Variants in CATSPERB observed in about 807,000 individuals in gnomAD.
The protein encoded by CATSPERB is cation channel sperm-associated auxiliary subunit beta.
A neutral mutation model predicts 128.3 loss-of-function variants in CATSPERB; 93 were observed. That is an observed-to-expected ratio of 0.72 (90% CI 0.61 to 0.86). The LOEUF is 0.86. CATSPERB is among the 40% of genes least tolerant of loss of function. The pLI, the probability that CATSPERB is intolerant of heterozygous loss-of-function variation, is 0.00. For synonymous variants in CATSPERB, 381 were observed against 448.8 expected (o/e 0.85, Z 1.91); for missense variants, 1,153 against 1,329.5 (o/e 0.87, Z 2.06).
intron 22 of CATSPERB, chr14:91,604,422 T>C (rs1893662945): frequency 8.0e-7 from 1 of 1,249,762 alleles, no homozygotes; most frequent in African/African-American, 1.5e-5. Context: ...TCAGGTTGCA[T>C]GTTCGTGGAG....
chr14:91,705,245 T>C (rs1229351999), intron 6 of CATSPERB, among the ~76,000 whole-genome samples: 1 of 152,190 alleles, frequency 6.6e-6, no homozygotes, highest in Admixed American at 6.5e-5. Context: ...ATGGAATTGC[T>C]GGATCACAGA....
chr14:91,651,874 A>G (rs945652756), intron 15 of CATSPERB, among the ~76,000 whole-genome samples: 1 of 152,230 alleles, frequency 6.6e-6, no homozygotes, highest in Non-Finnish European at 1.5e-5. Context: ...ATTCAAGGCC[A>G]GAGTAGAGGC....
intron 17 of CATSPERB, among the ~76,000 whole-genome samples, chr14:91,627,649 T>A (rs971578483): frequency 3.9e-5 from 6 of 152,176 alleles, no homozygotes; most frequent in African/African-American, 1.4e-4. Context: ...AGAAGGTTTC[T>A]TCTGTAAATT....
intron 17 of CATSPERB, among the ~76,000 whole-genome samples, chr14:91,630,697 T>C (rs1894260094): frequency 6.6e-6 from 1 of 152,208 alleles, no homozygotes; most frequent in South Asian, 2.1e-4. Flanking sequence ...TTAATAACTT[T>C]CTAAGGGGCT....
At position 91,632,899 on chromosome 14, in the gene CATSPERB, T is replaced by C. The variant is rs567000166; in HGVS notation, c.1742+3526A>G. Among the ~76,000 whole-genome samples, 16 of 152,160 alleles carry C rather than the reference T, an allele frequency of 1.1e-4. No individual in the cohort carries two copies. In the East Asian group the frequency reaches 3.1e-3, roughly 29 times the overall value. ...CTAAAGGCAGGAGATAAAACTCCCA[T>C]GTGGAAGGTGTCCTCCTTGCACCTG... On this transcript the variant is annotated intron_variant, in intron 17 of 26. Transcript: ENST00000256343.
intron 18 of CATSPERB, among the ~76,000 whole-genome samples, chr14:91,622,563 T>C (rs980072921): frequency 9.2e-5 from 14 of 152,192 alleles, no homozygotes; most frequent in African/African-American, 3.1e-4. Context: ...AAGTAATCAT[T>C]ATCAAAATAT....
intron 16 of CATSPERB, 114 bp downstream of exon 16, chr14:91,638,982 A>G (rs1164865362): frequency 1.1e-6 from 1 of 892,352 alleles, no homozygotes. Flanking sequence ...AGCAAACTGC[A>G]TTAATGAGTT....
At position 91,625,001 on chromosome 14, in the gene CATSPERB, A is replaced by G. The variant is rs139492444; in HGVS notation, c.1749T>C (p.Thr583=). Residue 583 remains threonine, a synonymous_variant, in exon 18 of 27, where the codon ACT becomes ACC. Transcript: ENST00000256343. ...HYGKVIHSGK[T]GRAYIRKVLQ... ...ATACCTTTCTTATGTAAGCTCTTCCAGTTTTCCTAAAAACAAATAAAACCA... is the reference window on the plus strand; with the variant it reads ...ATACCTTTCTTATGTAAGCTCTTCCGGTTTTCCTAAAAACAAATAAAACCA... 5.1e-6 allele frequency: 8 copies of G among 1,570,710 alleles called. No homozygotes were observed. The African/African-American group carries it at 1.1e-4, about 22-fold the overall frequency.
chr14:91,639,046 G>A (rs768156960), intron 16 of CATSPERB, 50 bp downstream of exon 16: 9 of 1,448,918 alleles, frequency 6.2e-6, no homozygotes, highest in Non-Finnish European at 8.6e-6. Flanking sequence ...ATTGAATGTG[G>A]CATCTATTCT....
intron 15 of CATSPERB, among the ~76,000 whole-genome samples, chr14:91,640,243 T>C (rs1024254448): frequency 1.3e-5 from 2 of 151,174 alleles, no homozygotes; most frequent in Admixed American, 6.6e-5. Context: ...TCATTCTTTT[T>C]ATTTTTTTAT....
chr14:91,625,025 C>A lies in CATSPERB; in HGVS notation c.1743-18G>T. 1 of 1,523,908 alleles carries A rather than the reference C, an allele frequency of 6.6e-7. No individual in the cohort carries two copies. The highest frequency in any genetic ancestry group is 8.8e-7 in the Non-Finnish European group (1 of 1,135,002). The allele number at this position is 1,523,908 out of a possible 1,614,324, so 94.4% of individuals were successfully genotyped here. A position where few individuals can be genotyped will look rare whatever the true frequency, so the allele number is the denominator to read the frequency against. On this transcript the variant is annotated intron_variant, in intron 17 of 26. Transcript: ENST00000256343. ...CAGTTTTCCTAAAAACAAATAAAAC[C>A]ATTAAGCAATTTGGATAAAACAGTG...
chr14:91,609,881 G>A (rs554364962), intron 21 of CATSPERB, among the ~76,000 whole-genome samples: 24 of 151,910 alleles, frequency 1.6e-4, no homozygotes, highest in East Asian at 1.4e-3. Context: ...CCACCGTGCC[G>A]GGCTAATTTT....
intron 11 of CATSPERB, among the ~76,000 whole-genome samples, chr14:91,681,258 T>C (rs1712035081): frequency 6.6e-6 from 1 of 152,180 alleles, no homozygotes; most frequent in Admixed American, 6.5e-5. Context: ...ATATATTCTA[T>C]AGTTAACATC....
chr14:91,595,672 G>T (rs1893494552), intron 22 of CATSPERB, among the ~76,000 whole-genome samples: 1 of 152,150 alleles, frequency 6.6e-6, no homozygotes, highest in Admixed American at 6.6e-5. Context: ...TTTCCCAAGG[G>T]CTTTATTGGC....
chr14:91,583,250 C>G (rs1055552405), intron 26 of CATSPERB, among the ~76,000 whole-genome samples: 3 of 152,178 alleles, frequency 2.0e-5, no homozygotes, highest in African/African-American at 7.2e-5. Context: ...AACCCCATCT[C>G]TACCTAAAAT....
chr14:91,722,916 A>G, intron 4 of CATSPERB, 133 bp downstream of exon 4: 1 of 570,286 alleles, frequency 1.8e-6, no homozygotes, highest in Non-Finnish European at 2.7e-6. Context: ...AAAAAGTGTA[A>G]CACTATCAGT....
chr14:91,608,412 T>G lies in CATSPERB; in HGVS notation c.2599-8A>C, dbSNP rs202047912. ...TGGAGGCCTGTAGTTTATCTGCAAG[T>G]GATTAAACAAAGAAAATGTACAATT... On this transcript the variant is annotated splice_region_variant and splice_polypyrimidine_tract_variant and intron_variant, in intron 21 of 26. Coordinates refer to ENST00000256343, the MANE Select transcript of CATSPERB (RefSeq NM_024764.4). 4.6e-4 allele frequency: 641 copies of G among 1,385,546 alleles called. 1 individual carries two copies. The African/African-American group carries it at 8.4e-3, about 18-fold the overall frequency. The allele number at this position is 1,385,546 out of a possible 1,614,324, so 85.8% of individuals were successfully genotyped here. A position where few individuals can be genotyped will look rare whatever the true frequency, so the allele number is the denominator to read the frequency against.
intron 5 of CATSPERB, 39 bp downstream of exon 5, chr14:91,719,379 A>T (rs374474469): frequency 7.2e-7 from 1 of 1,396,306 alleles, no homozygotes; most frequent in Admixed American, 2.1e-5. Context: ...TGATAAATCC[A>T]GACCCAGGGG....
chr14:91,724,452 T>G (rs143319560), intron 3 of CATSPERB, among the ~76,000 whole-genome samples: 1 of 152,336 alleles, frequency 6.6e-6, no homozygotes, highest in African/African-American at 2.4e-5. Context: ...AATTGTGGCC[T>G]AAGTCAAAGC....
Sources: gnomAD v4.1 joint callset for allele counts (sites outside exome capture counted in the v4.1 genomes callset) on GRCh38, gnomAD v4.1.1 for gene constraint, MANE v1.5 for transcripts, NCBI Gene and HGNC (gene_info 2026-07-23, HGNC 2026-07-21) for gene names.